The following DLGAP2 variants were observed in gnomAD, a reference collection of about 807,000 sequenced individuals.
The protein encoded by DLGAP2 is disks large-associated protein 2.
Under a neutral mutation model 100.3 loss-of-function variants are expected in DLGAP2, and 26 were observed. The observed-to-expected ratio is 0.26, with a 90% CI of 0.19 to 0.36. The LOEUF is 0.36. DLGAP2 is among the 10% of genes least tolerant of loss of function. The probability of loss-of-function intolerance (pLI) is 1.00; values close to 1 mark genes in which losing one functional copy is unlikely to be tolerated. For synonymous variants in DLGAP2, 886 were observed against 630.1 expected, an observed-to-expected ratio of 1.41 and a Z score of -6.08; for missense variants, 1,858 against 1,453.2, an observed-to-expected ratio of 1.28 and a Z score of -4.53.
intron 3 of DLGAP2, among the ~76,000 whole-genome samples, chr8:1,487,891 C>T (rs1799270933): frequency 6.6e-6 from 1 of 152,206 alleles, no homozygotes; most frequent in Non-Finnish European, 1.5e-5. Flanking sequence ...GCGGTCACCA[C>T]AGTTGCTGGA....
intron 2 of DLGAP2, among the ~76,000 whole-genome samples, chr8:1,119,035 A>G (rs1355161609): frequency 6.6e-6 from 1 of 152,350 alleles, no homozygotes; most frequent in African/African-American, 2.4e-5. Context: ...TCATATAAAT[A>G]CTTAATAGAC....
In DLGAP2 at chr8:1,330,587, C is replaced by G. The variant is rs192440779; in HGVS notation, c.106+71704C>G. ...AGGGACTGAGTTCTGTGTGGGAGCA[C>G]CGCTTCACGGGGACCGAGTTCTGGG... On this transcript the variant is annotated intron_variant, in intron 3 of 14. Transcript: ENST00000637795. 2.4e-3 allele frequency among the ~76,000 whole-genome samples: 319 copies of G among 132,836 alleles called. 2 individuals are homozygous for G. The highest frequency in any genetic ancestry group is 4.1e-3 in the Non-Finnish European group (256 of 62,506). 87.1% of individuals were successfully genotyped at this position (132,836 alleles called of 152,430 possible).
At chr8:1,169,539 G>C (rs1365469540) in intron 2 of DLGAP2, among the ~76,000 whole-genome samples, 2 of 152,098 alleles carry the variant, frequency 1.3e-5, no homozygotes, top group African/African-American at 2.4e-5. Flanking sequence ...CCATTTGTTT[G>C]TATCCTCTTT....
At chr8:1,087,622 C>G (rs1490030243) in intron 2 of DLGAP2, among the ~76,000 whole-genome samples, 2 of 150,012 alleles carry the variant, frequency 1.3e-5, no homozygotes, top group Non-Finnish European at 3.0e-5. Context: ...GCTGTTTCAT[C>G]TGATCTTATT....
intron 3 of DLGAP2, among the ~76,000 whole-genome samples, chr8:1,292,380 T>C (rs2116972503): frequency 6.6e-6 from 1 of 152,296 alleles, no homozygotes; most frequent in South Asian, 2.1e-4. Flanking sequence ...AAACAGCTCA[T>C]CCTGCCAGTC....
At chr8:1,119,868 C>G (rs1308756885) in intron 2 of DLGAP2, among the ~76,000 whole-genome samples, 2 of 152,142 alleles carry the variant, frequency 1.3e-5, no homozygotes, top group Admixed American at 6.5e-5. Flanking sequence ...TGAATGGGGT[C>G]CAGCACCCTA....
chr8:1,290,010 C>T (rs1585226720), intron 3 of DLGAP2, among the ~76,000 whole-genome samples: 1 of 152,146 alleles, frequency 6.6e-6, no homozygotes. Flanking sequence ...GAAAAAGGTT[C>T]TATGCACCAA....
intron 2 of DLGAP2, among the ~76,000 whole-genome samples, chr8:1,146,778 C>T (rs1043737823): frequency 2.6e-5 from 4 of 152,248 alleles, no homozygotes; most frequent in African/African-American, 9.6e-5. Context: ...GCCGTCCCCA[C>T]TGTCCTGAAG....
chr8:1,071,870 C>T (rs1803440746), intron 2 of DLGAP2, among the ~76,000 whole-genome samples: 3 of 152,212 alleles, frequency 2.0e-5, no homozygotes, highest in African/African-American at 7.2e-5. Context: ...TCTGACCTGG[C>T]CCTGCAAGCT....
intron 2 of DLGAP2, among the ~76,000 whole-genome samples, chr8:968,560 C>T (rs559894649): frequency 1.4e-4 from 21 of 152,322 alleles, no homozygotes; most frequent in South Asian, 6.2e-4. Context: ...TCCATACTAG[C>T]CTCCCCTGGT....
chr8:1,147,308 G>T (rs556412540), intron 2 of DLGAP2, among the ~76,000 whole-genome samples: 4 of 152,018 alleles, frequency 2.6e-5, no homozygotes, highest in Non-Finnish European at 4.4e-5. Context: ...TAATTTACAG[G>T]TTTTTTATTG....
intron 3 of DLGAP2, among the ~76,000 whole-genome samples, chr8:1,462,746 T>TC (rs1424444895): frequency 1.3e-5 from 2 of 152,030 alleles, no homozygotes; most frequent in Non-Finnish European, 2.9e-5. Context: ...GGGAGCCACG[T>TC]CCCCCCGCAG....
At chr8:1,415,647 C>A (rs955622624) in intron 3 of DLGAP2, among the ~76,000 whole-genome samples, 1 of 152,202 alleles carries the variant, frequency 6.6e-6, no homozygotes, top group Non-Finnish European at 1.5e-5. Context: ...TGATTCCATT[C>A]TCTCTTACGG....
At chr8:1,627,510 C>T (rs1797535748) in intron 7 of DLGAP2, among the ~76,000 whole-genome samples, 2 of 152,222 alleles carry the variant, frequency 1.3e-5, no homozygotes, top group Non-Finnish European at 2.9e-5. Flanking sequence ...AAAAAATCGG[C>T]AAGTGTCCTT....
intron 2 of DLGAP2, among the ~76,000 whole-genome samples, chr8:996,053 C>T (rs1478646497): frequency 6.6e-6 from 1 of 152,176 alleles, no homozygotes; most frequent in African/African-American, 2.4e-5. Context: ...TGGAATTAGA[C>T]TCAGGAGAAA....
At chr8:815,716 C>T (rs950819414) in intron 1 of DLGAP2, among the ~76,000 whole-genome samples, 10 of 152,164 alleles carry the variant, frequency 6.6e-5, no homozygotes, top group East Asian at 3.9e-4. Flanking sequence ...ATGTGCCTAT[C>T]GTTTGATATT....
intron 5 of DLGAP2, 39 bp downstream of exon 5, chr8:1,549,722 C>G: frequency 2.7e-6 from 4 of 1,493,536 alleles, no homozygotes; most frequent in Non-Finnish European, 3.6e-6. Context: ...CGTCTCGGCA[C>G]AGCAGGTGGT....
intron 1 of DLGAP2, among the ~76,000 whole-genome samples, chr8:815,141 G>C (rs910634640): frequency 6.6e-6 from 1 of 152,176 alleles, no homozygotes; most frequent in Non-Finnish European, 1.5e-5. Context: ...GCTTGAGACT[G>C]GTTTCTTTAT....
At chr8:1,555,904 C>G (rs189069439) in intron 5 of DLGAP2, among the ~76,000 whole-genome samples, 4 of 152,362 alleles carry the variant, frequency 2.6e-5, no homozygotes, top group South Asian at 4.1e-4. Flanking sequence ...TCCTTCACGC[C>G]TCCGTTTGTG....
Sources: allele counts gnomAD v4.1 joint callset (sites outside exome capture counted in the v4.1 genomes callset), GRCh38; gene constraint gnomAD v4.1.1; transcripts MANE v1.5; gene names NCBI Gene and HGNC (gene_info 2026-07-23, HGNC 2026-07-21).